Variants in ZNF277 observed in about 807,000 individuals in gnomAD.
ZNF277 encodes nuclear receptor-interacting factor 4.
ZNF277 carries 55 observed loss-of-function variants against 60.7 expected under a neutral mutation model. The ratio of observed to expected loss-of-function variants is 0.91; its 90% CI spans 0.73 to 1.13. The LOEUF is 1.13. Among genes scored for constraint, ZNF277 ranks in the 50% most tolerant of loss-of-function variants. ZNF277 has a pLI of 0.00. For missense variants in ZNF277, 510 were observed against 523.0 expected, an observed-to-expected ratio of 0.98 and a Z score of 0.24; for synonymous variants, 178 against 179.3, an observed-to-expected ratio of 0.99 and a Z score of 0.06.
At chr7:112,256,210 A>T (rs1005662959) in intron 1 of ZNF277, among the ~76,000 whole-genome samples, 4 of 152,188 alleles carry the variant, frequency 2.6e-5, no homozygotes, top group African/African-American at 9.6e-5. Context: ...TGAAATATTT[A>T]GTCCTTTTCT....
intron 4 of ZNF277, among the ~76,000 whole-genome samples, chr7:112,313,679 G>C (rs564239406): frequency 6.6e-6 from 1 of 152,018 alleles, no homozygotes; most frequent in Admixed American, 6.6e-5. Context: ...AAATTTCTTG[G>C]AATAGTTTAC....
intron 1 of ZNF277, among the ~76,000 whole-genome samples, chr7:112,236,305 T>C (rs1790783906): frequency 2.6e-5 from 4 of 152,072 alleles, no homozygotes; most frequent in Non-Finnish European, 5.9e-5. Context: ...GTAATGTAAA[T>C]AGTCTCTTGA....
rs542258553 is a variant in ZNF277, at chr7:112,279,218, TG to T, written c.92-7651del. On this transcript the variant is annotated intron_variant, in intron 1 of 11. Coordinates refer to ENST00000361822, the MANE Select transcript of ZNF277 (RefSeq NM_021994.3). ...ATTCTTTTGGATAAATAACCAGAAGTGGGGTGGCTGGCTCATATGATAGTTC... is the reference window on the plus strand; with the variant it reads ...ATTCTTTTGGATAAATAACCAGAAGTGGGTGGCTGGCTCATATGATAGTTC... Among the ~76,000 whole-genome samples the T allele has an allele frequency of 2.0e-3, 306 of 152,302 alleles. 1 individual carries two copies. Among genetic ancestry groups the T allele is most frequent in the African/African-American group, 7.0e-3 (291 of 41,578 alleles).
intron 1 of ZNF277, among the ~76,000 whole-genome samples, chr7:112,241,945 C>T (rs1206041670): frequency 6.6e-6 from 1 of 151,830 alleles, no homozygotes; most frequent in Non-Finnish European, 1.5e-5. Context: ...AATAGCACAG[C>T]AGGTTGACTA....
At chr7:112,295,660 A>G (rs1400313750) in intron 2 of ZNF277, among the ~76,000 whole-genome samples, 3 of 152,098 alleles carry the variant, frequency 2.0e-5, no homozygotes, top group African/African-American at 7.2e-5. Context: ...ATGCCCTTAC[A>G]TGGTAATTCC....
intron 1 of ZNF277, among the ~76,000 whole-genome samples, chr7:112,286,337 T>C (rs1286824333): frequency 6.6e-6 from 1 of 152,212 alleles, no homozygotes; most frequent in East Asian, 1.9e-4. Context: ...ACATACTGTG[T>C]CTACCCAGCG....
At chr7:112,236,040 G>A (rs1790777627) in intron 1 of ZNF277, among the ~76,000 whole-genome samples, 4 of 151,992 alleles carry the variant, frequency 2.6e-5, no homozygotes, top group Admixed American at 2.6e-4. Flanking sequence ...TGTATCAATA[G>A]ACCATATATG....
chr7:112,285,625 G>A (rs543457679), intron 1 of ZNF277, among the ~76,000 whole-genome samples: 1 of 150,982 alleles, frequency 6.6e-6, no homozygotes, highest in East Asian at 2.0e-4. Flanking sequence ...TAGTAGAGAC[G>A]GGGTTTTACC....
chr7:112,286,910 A>G lies in ZNF277; in HGVS notation c.129A>G (p.Pro43=), dbSNP rs777436766. Residue 43 remains proline (P), a synonymous_variant, in exon 2 of 12, where the codon CCA becomes CCG. Coordinates refer to ENST00000361822, the MANE Select transcript of ZNF277 (RefSeq NM_021994.3). ...GTATCCTGGAGCCGCTTTCCCTGCCAGAAAGTCCAGGTGGCACCACCACTT... is the reference window on the plus strand; with the variant it reads ...GTATCCTGGAGCCGCTTTCCCTGCCGGAAAGTCCAGGTGGCACCACCACTT... ...KDCILEPLSL[P]ESPGGTTTLE... The G allele has an allele frequency of 8.9e-6, 14 of 1,576,450 alleles. No homozygotes were observed. The highest frequency in any genetic ancestry group is 1.8e-5 in the Admixed American group (1 of 54,898).
intron 7 of ZNF277, among the ~76,000 whole-genome samples, chr7:112,333,174 T>G (rs542216182): frequency 2.0e-5 from 3 of 152,112 alleles, no homozygotes; most frequent in Non-Finnish European, 4.4e-5. Flanking sequence ...AGATAGATAT[T>G]CCCTTGTTAT....
chr7:112,280,716 C>A (rs1791920104), intron 1 of ZNF277, among the ~76,000 whole-genome samples: 1 of 151,988 alleles, frequency 6.6e-6, no homozygotes, highest in African/African-American at 2.4e-5. Flanking sequence ...ACTTCTGCTC[C>A]CCGGGTTCAA....
intron 1 of ZNF277, among the ~76,000 whole-genome samples, chr7:112,263,398 T>G (rs931498391): frequency 6.6e-6 from 1 of 152,224 alleles, no homozygotes; most frequent in Non-Finnish European, 1.5e-5. Flanking sequence ...CTGTTTATGA[T>G]TCTTACTACT....
At chr7:112,234,797 A>T (rs1320121824) in intron 1 of ZNF277, among the ~76,000 whole-genome samples, 1 of 151,832 alleles carries the variant, frequency 6.6e-6, no homozygotes, top group Admixed American at 6.6e-5. Flanking sequence ...ATATATTTGC[A>T]TCTTAATATC....
intron 1 of ZNF277, among the ~76,000 whole-genome samples, chr7:112,259,301 G>A (rs1791391192): frequency 6.6e-6 from 1 of 152,010 alleles, no homozygotes; most frequent in South Asian, 2.1e-4. Flanking sequence ...CCTAACTGAT[G>A]GAGATTTTGT....
At chr7:112,224,691 G>A (rs1323621829) in intron 1 of ZNF277, among the ~76,000 whole-genome samples, 1 of 152,190 alleles carries the variant, frequency 6.6e-6, no homozygotes, top group African/African-American at 2.4e-5. Context: ...TGATAAAACT[G>A]AACTATGCAG....
Position 112,325,395 on chromosome 7 carries a change from A to T in ZNF277, c.558-2322A>T, listed in dbSNP as rs560591386. ...CACTCAGTCTCCTTCCAGCTCTTAG[A>T]TGTCAGTCATAGAACCCTTGGCAAA... On this transcript the variant is annotated intron_variant, in intron 5 of 11. Transcript: ENST00000361822. Among the ~76,000 whole-genome samples, 4 of 152,252 alleles carry T rather than the reference A, an allele frequency of 2.6e-5. No individual in the cohort carries two copies. In the South Asian group the frequency reaches 6.2e-4, roughly 24 times the overall value.
Position 112,327,779 on chromosome 7 carries a change from T to A in ZNF277, c.620T>A (p.Ile207Asn). Residue 207 changes from isoleucine (I) to asparagine (N), a missense_variant, in exon 6 of 12, where the codon ATT (isoleucine) becomes AAT (asparagine). Transcript: ENST00000361822. ...TTCAACATTGGATTGCCAGACAACA[T>A]TGTAAACTGCAATGAATTTTTGTGT... ...HAFNIGLPDN[I>N]VNCNEFLCTL... 6.2e-7 allele frequency: 1 copy of A among 1,612,316 alleles called. No homozygotes were observed. Among genetic ancestry groups the A allele is most frequent in the South Asian group, 1.1e-5 (1 of 90,604 alleles).
Position 112,343,527 on chromosome 7 carries a change from T to G in ZNF277, c.*798T>G, listed in dbSNP as rs549559581. 1.1e-4 allele frequency among the ~76,000 whole-genome samples: 16 copies of G among 152,326 alleles called. No homozygotes were observed. Among genetic ancestry groups the G allele is most frequent in the Admixed American group, 3.9e-4 (6 of 15,292 alleles). ...ACAATATTATCAGTTTCATTACTGA[T>G]GAATATTATATGCCTCCTGATAAGA... On this transcript the variant is annotated 3_prime_UTR_variant, in exon 12 of 12. Transcript: ENST00000361822.
intron 1 of ZNF277, among the ~76,000 whole-genome samples, chr7:112,255,239 A>G (rs532687806): frequency 3.5e-4 from 53 of 152,156 alleles, no homozygotes; most frequent in African/African-American, 1.1e-3. Context: ...AAAAAAAGTG[A>G]TTTTTTTTGG....
Sources: allele counts gnomAD v4.1 joint callset (sites outside exome capture counted in the v4.1 genomes callset), GRCh38; gene constraint gnomAD v4.1.1; transcripts MANE v1.5; gene names NCBI Gene and HGNC (gene_info 2026-07-23, HGNC 2026-07-21).